ITPR2: variants seen among roughly 807,000 people sequenced by gnomAD.
ITPR2 encodes inositol 1,4,5-trisphosphate receptor type 2.
In ITPR2, 207 loss-of-function variants were observed where a neutral mutation model predicts 317.1. That is an observed-to-expected ratio of 0.65 (90% CI 0.58 to 0.73). The LOEUF is 0.73. Ranked by LOEUF, ITPR2 falls within the 30% of genes least tolerant of loss-of-function variation. ITPR2 has a pLI of 0.00. For missense variants in ITPR2, 2,613 were observed against 3,284.0 expected (o/e 0.80, Z 4.99); for synonymous variants, 1,156 against 1,149.1 (o/e 1.01, Z -0.12).
intron 37 of ITPR2, among the ~76,000 whole-genome samples, chr12:26,546,402 A>T (rs548531924): frequency 1.1e-4 from 17 of 152,178 alleles, no homozygotes; most frequent in African/African-American, 3.1e-4. Flanking sequence ...CCTTCATATG[A>T]TCAAATGTGT....
At chr12:26,753,062 G>C (rs1415451295) in intron 2 of ITPR2, among the ~76,000 whole-genome samples, 1 of 152,154 alleles carries the variant, frequency 6.6e-6, no homozygotes, top group African/African-American at 2.4e-5. Context: ...AGTGGTGGTG[G>C]GGTAGCTGGG....
intron 9 of ITPR2, among the ~76,000 whole-genome samples, chr12:26,699,635 A>G (rs944832573): frequency 6.6e-6 from 1 of 152,204 alleles, no homozygotes; most frequent in Non-Finnish European, 1.5e-5. Context: ...AAAGTATAAT[A>G]ATAACAATAA....
intron 26 of ITPR2, among the ~76,000 whole-genome samples, chr12:26,610,363 G>T (rs1946234909): frequency 6.6e-6 from 1 of 152,176 alleles, no homozygotes; most frequent in South Asian, 2.1e-4. Flanking sequence ...AACTTTGCTT[G>T]CTTCATCAAA....
At chr12:26,589,871 C>T in intron 32 of ITPR2, among the ~76,000 whole-genome samples, 4 of 128,336 alleles carry the variant, frequency 3.1e-5, no homozygotes, top group African/African-American at 8.5e-5. Flanking sequence ...CACACACACA[C>T]ACACACACAC....
chr12:26,779,285 T>C (rs781062897), intron 2 of ITPR2, among the ~76,000 whole-genome samples: 1 of 152,180 alleles, frequency 6.6e-6, no homozygotes, highest in Non-Finnish European at 1.5e-5. Flanking sequence ...CAGCTCTTGG[T>C]CTGGTACTGG....
intron 54 of ITPR2, among the ~76,000 whole-genome samples, chr12:26,395,480 A>C (rs2136642134): frequency 6.6e-6 from 1 of 152,256 alleles, no homozygotes; most frequent in South Asian, 2.1e-4. Flanking sequence ...TTTTGGTTAA[A>C]ATATAGGAGA....
chr12:26,339,838 A>G (rs539644881), intron 56 of ITPR2, among the ~76,000 whole-genome samples: 120 of 152,292 alleles, frequency 7.9e-4, no homozygotes, highest in Non-Finnish European at 1.0e-3. Flanking sequence ...GGCAGATACT[A>G]ATGAGGATTT....
chr12:26,452,717 G>A (rs1055912388), intron 45 of ITPR2, among the ~76,000 whole-genome samples: 1 of 152,128 alleles, frequency 6.6e-6, no homozygotes, highest in South Asian at 2.1e-4. Flanking sequence ...AGGCTGCTTC[G>A]GGCTTTGCCA....
intron 14 of ITPR2, among the ~76,000 whole-genome samples, chr12:26,664,469 C>T (rs924525145): frequency 6.6e-6 from 1 of 152,128 alleles, no homozygotes; most frequent in Non-Finnish European, 1.5e-5. Flanking sequence ...AGTTAGGAAG[C>T]ATTTAAAAAG....
chr12:26,375,057 C>T (rs971601618), intron 55 of ITPR2, among the ~76,000 whole-genome samples: 1 of 152,200 alleles, frequency 6.6e-6, no homozygotes, highest in Non-Finnish European at 1.5e-5. Context: ...TGTGGCTTTA[C>T]AGTATATAGT....
intron 45 of ITPR2, among the ~76,000 whole-genome samples, chr12:26,473,481 A>G (rs1942341370): frequency 6.6e-6 from 1 of 152,118 alleles, no homozygotes; most frequent in Admixed American, 6.5e-5. Flanking sequence ...CCTCCCCCAT[A>G]CAAAGCAAGA....
At chr12:26,481,519 T>C (rs1942544984) in intron 42 of ITPR2, among the ~76,000 whole-genome samples, 1 of 152,214 alleles carries the variant, frequency 6.6e-6, no homozygotes, top group South Asian at 2.1e-4. Context: ...AGAATACTGG[T>C]TAAGTTAAAT....
At chr12:26,710,715 T>C (rs184202756) in intron 9 of ITPR2, among the ~76,000 whole-genome samples, 2 of 152,330 alleles carry the variant, frequency 1.3e-5, no homozygotes, top group Admixed American at 6.5e-5. Context: ...ATTGACAGTT[T>C]TACGAAGAAA....
chr12:26,461,951 C>CT (rs76756814), intron 45 of ITPR2, among the ~76,000 whole-genome samples: 141 of 130,638 alleles, frequency 1.1e-3, no homozygotes, highest in Middle Eastern at 4.0e-3. Context: ...CGAAGCCTGA[C>CT]TTTTTTTTTT....
chr12:26,550,142 A>G, intron 37 of ITPR2, 105 bp downstream of exon 37: 1 of 535,770 alleles, frequency 1.9e-6, no homozygotes, highest in Non-Finnish European at 3.2e-6. Context: ...TGCATCATTA[A>G]GATATAATGC....
chr12:26,341,530 A>G (rs1938112630), intron 55 of ITPR2, among the ~76,000 whole-genome samples: 6 of 152,248 alleles, frequency 3.9e-5, no homozygotes, highest in Admixed American at 3.9e-4. Context: ...TCAGAGAATA[A>G]CAAGTTCTTT....
chr12:26,777,505 C>A (rs754926934), intron 2 of ITPR2, among the ~76,000 whole-genome samples: 1 of 152,148 alleles, frequency 6.6e-6, no homozygotes, highest in South Asian at 2.1e-4. Context: ...GTCAGAGGCA[C>A]GGTGGGTGTA....
At chr12:26,663,493 A>G (rs944907022) in intron 15 of ITPR2, among the ~76,000 whole-genome samples, 192 bp downstream of exon 15, 1 of 152,232 alleles carries the variant, frequency 6.6e-6, no homozygotes, top group Non-Finnish European at 1.5e-5. Context: ...CTAATTTCAT[A>G]TGGAAGAATA....
In ITPR2 at chr12:26,672,229, C is replaced by A. The variant is rs964339312; in HGVS notation, c.1410-6178G>T. Among the ~76,000 whole-genome samples, 111 of 151,328 alleles carry A rather than the reference C, an allele frequency of 7.3e-4. 1 individual carries two copies. The highest frequency in any genetic ancestry group is 6.8e-3 in the Middle Eastern group (2 of 292). On this transcript the variant is annotated intron_variant, in intron 13 of 56. Transcript: ENST00000381340. ...TAGACATCTACAGAACTCTCCACCC[C>A]AAATCAACAGAATATACATTGTTTT...
Sources: gnomAD v4.1 joint callset for allele counts (sites outside exome capture counted in the v4.1 genomes callset) on GRCh38, gnomAD v4.1.1 for gene constraint, MANE v1.5 for transcripts, NCBI Gene and HGNC (gene_info 2026-07-23, HGNC 2026-07-21) for gene names.